RIT2: variants seen among roughly 807,000 people sequenced by gnomAD.
RIT2 encodes GTP-binding protein Rit2.
RIT2 carries 24 observed loss-of-function variants against 23.7 expected under a neutral mutation model. The ratio of observed to expected loss-of-function variants is 1.01; its 90% CI spans 0.73 to 1.43. The LOEUF is 1.43. RIT2 is among the 40% of genes most tolerant of loss of function. RIT2 has a pLI of 0.00. For missense variants in RIT2, 236 were observed against 266.9 expected (o/e 0.88, Z 0.81); for synonymous variants, 107 against 91.1 (o/e 1.17, Z -0.99).
chr18:43,114,376 C>A (rs979508176), intron 1 of RIT2, among the ~76,000 whole-genome samples: 5 of 152,230 alleles, frequency 3.3e-5, no homozygotes, highest in African/African-American at 1.2e-4. Context: ...GTTTTCCTAT[C>A]CCTTGTGGAC....
At chr18:42,990,916 T>TTTG (rs1278090648) in intron 2 of RIT2, among the ~76,000 whole-genome samples, 2 of 147,228 alleles carry the variant, frequency 1.4e-5, no homozygotes, top group East Asian at 2.0e-4. Flanking sequence ...GGTTTTGTTT[T>TTTG]TTTTTTTTTT....
chr18:42,850,449 G>C (rs1055138766), intron 4 of RIT2, among the ~76,000 whole-genome samples: 34 of 152,114 alleles, frequency 2.2e-4, no homozygotes, highest in African/African-American at 7.7e-4. Flanking sequence ...GACCACATTT[G>C]ATGATGACTG....
Position 43,063,241 on chromosome 18 carries a change from G to C in RIT2, c.104-29374C>G, listed in dbSNP as rs561700703. On this transcript the variant is annotated intron_variant, in intron 1 of 4. Transcript: ENST00000326695. The stretch of plus-strand genomic sequence containing the variant: ...TGTCAATTTATCTTGGAGAAGGGGT[G>C]GTTTAAAACAAGATTCACCATACCT... 1.1e-4 allele frequency among the ~76,000 whole-genome samples: 16 copies of C among 152,154 alleles called. No individual in the cohort carries two copies. The South Asian group carries it at 3.1e-3, about 30-fold the overall frequency.
At chr18:42,920,402 A>G (rs762226575) in intron 4 of RIT2, among the ~76,000 whole-genome samples, 1 of 152,156 alleles carries the variant, frequency 6.6e-6, no homozygotes, top group Non-Finnish European at 1.5e-5. Flanking sequence ...TATAAAGGAG[A>G]CTACTTCTTG....
intron 3 of RIT2, among the ~76,000 whole-genome samples, chr18:42,924,597 A>G (rs1416253005): frequency 6.6e-6 from 1 of 152,154 alleles, no homozygotes; most frequent in Non-Finnish European, 1.5e-5. Context: ...GAAGCAATGA[A>G]AAATATGAAA....
chr18:42,935,246 AAG>A (rs770758484), intron 3 of RIT2, among the ~76,000 whole-genome samples: 2 of 152,294 alleles, frequency 1.3e-5, no homozygotes, highest in Non-Finnish European at 2.9e-5. Flanking sequence ...GGCCTCAAGA[AAG>A]AGAGCTGAGC....
At chr18:42,936,544 C>T (rs1337873504) in intron 3 of RIT2, among the ~76,000 whole-genome samples, 4 of 152,158 alleles carry the variant, frequency 2.6e-5, no homozygotes, top group Non-Finnish European at 5.9e-5. Flanking sequence ...AGAAACATTA[C>T]ACATCTTTCT....
At chr18:42,926,964 C>T (rs527400719) in intron 3 of RIT2, among the ~76,000 whole-genome samples, 338 of 151,968 alleles carry the variant, frequency 2.2e-3, no homozygotes, top group Non-Finnish European at 4.3e-3. Flanking sequence ...TCAATTTCCC[C>T]CTTTGTTAAA....
chr18:42,899,770 T>C (rs1461751226), intron 4 of RIT2, among the ~76,000 whole-genome samples: 1 of 152,140 alleles, frequency 6.6e-6, no homozygotes, highest in Non-Finnish European at 1.5e-5. Flanking sequence ...CTATTTTTTA[T>C]AACATATCCT....
chr18:42,822,238 A>G (rs1325199128), intron 4 of RIT2, among the ~76,000 whole-genome samples: 1 of 152,132 alleles, frequency 6.6e-6, no homozygotes, highest in Admixed American at 6.6e-5. Context: ...GCAGTTCAGA[A>G]CTCAGAACTG....
intron 4 of RIT2, among the ~76,000 whole-genome samples, chr18:42,806,258 C>A (rs1905681484): frequency 6.6e-6 from 1 of 151,694 alleles, no homozygotes; most frequent in African/African-American, 2.4e-5. Flanking sequence ...CACTTGAGGT[C>A]AAGAGTTCGA....
In RIT2 at chr18:43,001,689, C is replaced by T. The variant is rs539082100; in HGVS notation, c.161-27542G>A. ...GGGCATTTGGGATTTTATCTGGAGA[C>T]TTGAAAGTTTAATTTCACTTCTTTT... is the stretch of plus-strand genomic sequence containing the variant. On this transcript the variant is annotated intron_variant, in intron 2 of 4. Coordinates refer to ENST00000326695, the MANE Select transcript of RIT2 (RefSeq NM_002930.4). 2.0e-5 allele frequency among the ~76,000 whole-genome samples: 3 copies of T among 152,096 alleles called. No individual in the cohort carries two copies. The East Asian group carries it at 5.8e-4, about 30-fold the overall frequency.
intron 3 of RIT2, among the ~76,000 whole-genome samples, chr18:42,963,080 A>G (rs1408365093): frequency 6.6e-6 from 1 of 152,202 alleles, no homozygotes; most frequent in African/African-American, 2.4e-5. Context: ...GGAGCATTTA[A>G]GCATCTCTGC....
chr18:42,909,320 G>A (rs533901338), intron 4 of RIT2, among the ~76,000 whole-genome samples: 7 of 152,162 alleles, frequency 4.6e-5, no homozygotes, highest in African/African-American at 1.4e-4. Context: ...AGGACTCACG[G>A]GTTGGACTTT....
intron 1 of RIT2, among the ~76,000 whole-genome samples, chr18:43,104,052 A>AAATG (rs1913751190): frequency 6.6e-6 from 1 of 152,238 alleles, no homozygotes; most frequent in Non-Finnish European, 1.5e-5. Context: ...ATCAACAGAT[A>AAATG]AATGGATAAA....
At chr18:43,048,154 A>C (rs987731560) in intron 1 of RIT2, among the ~76,000 whole-genome samples, 1 of 152,182 alleles carries the variant, frequency 6.6e-6, no homozygotes, top group African/African-American at 2.4e-5. Flanking sequence ...CAGTTCCTTT[A>C]ACAACCATTT....
chr18:43,001,423 T>C (rs1229726864), intron 2 of RIT2, among the ~76,000 whole-genome samples: 2 of 151,934 alleles, frequency 1.3e-5, no homozygotes, highest in Admixed American at 1.3e-4. Context: ...AGCAAGATGT[T>C]CATATATAGG....
At chr18:42,962,126 G>T (rs947851254) in intron 3 of RIT2, among the ~76,000 whole-genome samples, 1 of 152,186 alleles carries the variant, frequency 6.6e-6, no homozygotes, top group Non-Finnish European at 1.5e-5. Flanking sequence ...ACTTACACAT[G>T]AAATCTGCCT....
At chr18:42,988,553 C>A (rs562335052) in intron 2 of RIT2, among the ~76,000 whole-genome samples, 1 of 152,142 alleles carries the variant, frequency 6.6e-6, no homozygotes, top group African/African-American at 2.4e-5. Flanking sequence ...TGGCATGATG[C>A]CCCAAGTTCC....
Sources: gnomAD v4.1 joint callset for allele counts (sites outside exome capture counted in the v4.1 genomes callset) on GRCh38, gnomAD v4.1.1 for gene constraint, MANE v1.5 for transcripts, NCBI Gene and HGNC (gene_info 2026-07-23, HGNC 2026-07-21) for gene names.